WASL: variants seen among roughly 807,000 people sequenced by gnomAD.
WASL encodes actin nucleation-promoting factor WASL.
Under a neutral mutation model 55.5 loss-of-function variants are expected in WASL, and 20 were observed. The ratio of observed to expected loss-of-function variants is 0.36; its 90% CI spans 0.25 to 0.52. The LOEUF (loss-of-function observed/expected upper bound fraction) is 0.52, where lower values mean the gene tolerates loss of function less well. WASL is among the 20% of genes least tolerant of loss of function. WASL has a pLI of 0.92. For synonymous variants in WASL, 249 were observed against 217.6 expected (o/e 1.14, Z -1.27); for missense variants, 504 against 622.5 (o/e 0.81, Z 2.03).
intron 1 of WASL, among the ~76,000 whole-genome samples, chr7:123,722,827 TA>T (rs1803974108): frequency 6.6e-6 from 1 of 151,838 alleles, no homozygotes; most frequent in African/African-American, 2.4e-5. Flanking sequence ...AAAATAATAA[TA>T]ATTATAACAA....
intron 1 of WASL, among the ~76,000 whole-genome samples, chr7:123,744,823 A>G (rs1021549843): frequency 2.0e-5 from 3 of 152,202 alleles, no homozygotes; most frequent in African/African-American, 7.2e-5. Context: ...TAACTACAAA[A>G]TAAGACCTAG....
chr7:123,716,854 T>C (rs1056545518), intron 1 of WASL, among the ~76,000 whole-genome samples: 2 of 152,148 alleles, frequency 1.3e-5, no homozygotes, highest in Non-Finnish European at 2.9e-5. Context: ...ATATATTTTA[T>C]CAAGCATATA....
At chr7:123,747,324 A>G (rs1248152561) in intron 1 of WASL, among the ~76,000 whole-genome samples, 5 of 152,166 alleles carry the variant, frequency 3.3e-5, no homozygotes, top group African/African-American at 9.7e-5. Context: ...TCTCGTTTTG[A>G]GCCACTCCTC....
chr7:123,692,818 GGGA>G lies in WASL; in HGVS notation c.873_875del (p.Pro294del), dbSNP rs373297831. On this transcript the variant is annotated inframe_deletion, in exon 9 of 11. Transcript: ENST00000223023. ...GAGGAGGACCTGAGTTGTGTGGAGG[GGGA>G]GGAGGAGGAGGTGGCCCTCCCCTTG... is the stretch of plus-strand genomic sequence containing the variant. 22 of 1,407,746 alleles carry G rather than the reference GGGA, an allele frequency of 1.6e-5. No individual in the cohort carries two copies. Among genetic ancestry groups the G allele is most frequent in the South Asian group, 1.2e-4 (6 of 48,768 alleles). 87.2% of individuals were successfully genotyped at this position (1,407,746 alleles called of 1,614,324 possible).
At position 123,748,677 on chromosome 7, in the gene WASL, G is replaced by A. The variant is rs766540174; in HGVS notation, c.58C>T (p.Leu20=). ...PPRRVTNVGS[L]LLTPQENESL... ...TCGTTCTCCTGCGGGGTGAGCAACA[G>A]GGACCCCACGTTGGTGACCCTCCGC... Residue 20 remains leucine (L), a synonymous_variant, in exon 1 of 11, where the codon CTG becomes TTG. Coordinates refer to ENST00000223023, the MANE Select transcript of WASL (RefSeq NM_003941.4). The A allele has an allele frequency of 6.2e-7, 1 of 1,612,758 alleles. No homozygotes were observed. Among genetic ancestry groups the A allele is most frequent in the Non-Finnish European group, 8.5e-7 (1 of 1,179,466 alleles).
intron 1 of WASL, among the ~76,000 whole-genome samples, chr7:123,721,886 ATGT>A (rs1803953875): frequency 8.7e-6 from 1 of 114,488 alleles, no homozygotes; most frequent in Non-Finnish European, 1.9e-5. Context: ...GATTTAATAA[ATGT>A]TCTCTATTTT....
intron 1 of WASL, among the ~76,000 whole-genome samples, chr7:123,745,383 T>C (rs559246197): frequency 1.3e-5 from 2 of 152,150 alleles, no homozygotes; most frequent in East Asian, 1.9e-4. Flanking sequence ...CCCCATTAAA[T>C]AGTGCAATAC....
intron 1 of WASL, among the ~76,000 whole-genome samples, chr7:123,719,720 A>C (rs1184571339): frequency 6.6e-6 from 1 of 152,224 alleles, no homozygotes; most frequent in Non-Finnish European, 1.5e-5. Context: ...GTATCCTGGC[A>C]GTCAGCTCCT....
chr7:123,729,788 G>C (rs1459598245), intron 1 of WASL, among the ~76,000 whole-genome samples: 1 of 152,092 alleles, frequency 6.6e-6, no homozygotes, highest in East Asian at 1.9e-4. Flanking sequence ...CCCTTAATAT[G>C]AGATTGTGAT....
intron 1 of WASL, among the ~76,000 whole-genome samples, chr7:123,717,508 G>A (rs1398036044): frequency 1.3e-5 from 2 of 152,140 alleles, no homozygotes; most frequent in African/African-American, 4.8e-5. Flanking sequence ...TGATGCATCC[G>A]GACTCAATCT....
In WASL at chr7:123,743,336, C is replaced by CAA. The variant is rs35592197; in HGVS notation, c.117+5280_117+5281dup. ...TTGGCGACAAAGCAAGACTCTGTCT[C>CAA]AAAAAAAAAAAAAAAAAAAATTCCT... is the stretch of plus-strand genomic sequence containing the variant. On this transcript the variant is annotated intron_variant, in intron 1 of 10. Transcript: ENST00000223023. Among the ~76,000 whole-genome samples the CAA allele has an allele frequency of 9.7e-3, 1,032 of 106,138 alleles. 12 individuals carry two copies. Among genetic ancestry groups the CAA allele is most frequent in the Admixed American group, 0.024 (243 of 10,098 alleles). 69.6% of individuals were successfully genotyped at this position (106,138 alleles called of 152,430 possible).
intron 9 of WASL, among the ~76,000 whole-genome samples, chr7:123,691,281 A>G (rs1803403701): frequency 6.6e-6 from 1 of 152,150 alleles, no homozygotes; most frequent in African/African-American, 2.4e-5. Context: ...AGTCCTGGAG[A>G]ACATGTTATA....
chr7:123,695,955 C>T (rs575402243), intron 6 of WASL, 90 bp from the exon 7 acceptor site: 2 of 1,354,196 alleles, frequency 1.5e-6, no homozygotes, highest in South Asian at 2.5e-5. Flanking sequence ...CTACATTTGG[C>T]TTTGAATTTT....
chr7:123,697,276 C>T (rs1454345822), intron 5 of WASL, among the ~76,000 whole-genome samples: 1 of 152,066 alleles, frequency 6.6e-6, no homozygotes, highest in Non-Finnish European at 1.5e-5. Flanking sequence ...ATTTTCCCCA[C>T]CAGTACGCAT....
At chr7:123,699,504 A>G (rs1036487642) in intron 5 of WASL, among the ~76,000 whole-genome samples, 1 of 152,334 alleles carries the variant, frequency 6.6e-6, no homozygotes, top group Admixed American at 6.5e-5. Flanking sequence ...GAAAACAACA[A>G]AAATATTTTC....
chr7:123,701,222 T>C (rs966776938), intron 5 of WASL, among the ~76,000 whole-genome samples: 19 of 152,226 alleles, frequency 1.2e-4, no homozygotes, highest in Non-Finnish European at 2.2e-4. Context: ...TATGTAAACA[T>C]ATAATGAAGG....
At chr7:123,711,226 T>A (rs1308062593) in intron 1 of WASL, among the ~76,000 whole-genome samples, 1 of 152,022 alleles carries the variant, frequency 6.6e-6, no homozygotes, top group Non-Finnish European at 1.5e-5. Flanking sequence ...ATGTTATAAA[T>A]ATTCACGTTG....
intron 7 of WASL, 114 bp from the exon 8 acceptor site, chr7:123,694,982 A>G: frequency 5.9e-6 from 6 of 1,010,452 alleles, no homozygotes; most frequent in South Asian, 1.7e-5. Context: ...TAACATGCTT[A>G]TATTACTTAT....
At chr7:123,732,610 T>C (rs1804158500) in intron 1 of WASL, among the ~76,000 whole-genome samples, 1 of 152,158 alleles carries the variant, frequency 6.6e-6, no homozygotes, top group Admixed American at 6.5e-5. Flanking sequence ...ACTGGTGAAT[T>C]ATCCTAAACA....
Sources: gnomAD v4.1 joint callset for allele counts (sites outside exome capture counted in the v4.1 genomes callset) on GRCh38, gnomAD v4.1.1 for gene constraint, MANE v1.5 for transcripts, NCBI Gene and HGNC (gene_info 2026-07-23, HGNC 2026-07-21) for gene names.